The following SMIM10L2A variants were observed in gnomAD, a reference collection of about 807,000 sequenced individuals.
The protein encoded by SMIM10L2A is small integral membrane protein 10-like protein 2A.
In SMIM10L2A, 2 loss-of-function variants were observed where a neutral mutation model predicts 3.0. The observed-to-expected ratio is 0.66, with a 90% confidence interval of 0.27 to 2.08. The LOEUF (loss-of-function observed/expected upper bound fraction) is 2.08, where lower values mean the gene tolerates loss of function less well. Ranked by LOEUF, SMIM10L2A falls within the 30% of genes most tolerant of loss-of-function variation. The pLI, the probability that SMIM10L2A is intolerant of heterozygous loss-of-function variation, is 0.14. For missense variants in SMIM10L2A, 59 were observed against 66.5 expected, an observed-to-expected ratio of 0.89 and a Z score of 0.39; for synonymous variants, 29 against 34.8, an observed-to-expected ratio of 0.83 and a Z score of 0.58.
In SMIM10L2A at chrX:135,422,183, G is replaced by C; in HGVS notation, c.52G>C (p.Gly18Arg). 1.1e-6 allele frequency: 1 copy of C among 923,523 alleles called. No individual in the cohort carries two copies. Among genetic ancestry groups the C allele is most frequent in the Non-Finnish European group, 1.4e-6 (1 of 692,908 alleles). 76.1% of individuals were successfully genotyped at this position (923,523 alleles called of 1,213,427 possible). A position where few individuals can be genotyped will look rare whatever the true frequency, so the allele number is the denominator to read the frequency against. The change falls in exon 1 of 2, where the codon GGC becomes CGC. Residue 18 changes from glycine (G) to arginine (R), a missense_variant. Transcript: ENST00000417443. ...AGCGGCGGCTGCGGCGGCCCTGTCT[G>C]GCCTGGCGGTGCGGCTGTCGCGCTC... Reference protein sequence around the residue: ...SAAAAAAALSGLAVRLSRSAA... With the variant: ...SAAAAAAALSRLAVRLSRSAA...
rs1409788158 is a variant in SMIM10L2A, at chrX:135,426,259, T to G, written c.*2989T>G. ...GATAAAGGACCTGGCCCTGGAAGCC[T>G]GCTTCCCTTTCCCAACCTTGGAAGC... On this transcript the variant is annotated 3_prime_UTR_variant, in exon 2 of 2. Coordinates refer to ENST00000417443, the MANE Select transcript of SMIM10L2A (RefSeq NM_203306.3). 1 of 111,533 alleles carries G rather than the reference T, an allele frequency of 9.0e-6. No homozygotes were observed. The highest frequency in any genetic ancestry group is 1.9e-5 in the Non-Finnish European group (1 of 53,007). The allele number at this position is 111,533 out of a possible 1,213,427, so 9.2% of individuals were successfully genotyped here.
rs1556470834 is a variant in SMIM10L2A, at chrX:135,423,689, T to C, written c.*419T>C. On this transcript the variant is annotated 3_prime_UTR_variant, in exon 2 of 2. Coordinates refer to ENST00000417443, the MANE Select transcript of SMIM10L2A (RefSeq NM_203306.3). The stretch of plus-strand genomic sequence containing the variant: ...TTCTCTGGCCTTGCCAAGAGTCACA[T>C]CCCTGCCCAGGGGCACCTCTGGCCC... 1 of 113,605 alleles carries C rather than the reference T, an allele frequency of 8.8e-6. No individual in the cohort carries two copies. Among genetic ancestry groups the C allele is most frequent in the African/African-American group, 3.2e-5 (1 of 31,294 alleles). 9.4% of individuals were successfully genotyped at this position (113,605 alleles called of 1,213,427 possible). A position where few individuals can be genotyped will look rare whatever the true frequency, so the allele number is the denominator to read the frequency against.
rs187712717 is a variant in SMIM10L2A, at chrX:135,427,930, C to T, written c.*4660C>T. ...TTGATATATATTCCTAGAAAGTGCA[C>T]CAAAGGGTATGCATGGCTTAGGGCT... On this transcript the variant is annotated 3_prime_UTR_variant, in exon 2 of 2. Transcript: ENST00000417443. 6.3e-5 allele frequency: 7 copies of T among 111,658 alleles called. No individual in the cohort carries two copies. The highest frequency in any genetic ancestry group is 1.1e-4 in the Non-Finnish European group (6 of 53,141). 9.2% of individuals were successfully genotyped at this position (111,658 alleles called of 1,213,427 possible).
chrX:135,424,926 C>A lies in SMIM10L2A; in HGVS notation c.*1656C>A, dbSNP rs1212693196. The stretch of plus-strand genomic sequence containing the variant: ...TGCTGGCCCCTCTCATCCACCCCAA[C>A]CCTATCCACCCTGGACCACCTCTGG... On this transcript the variant is annotated 3_prime_UTR_variant, in exon 2 of 2. Coordinates refer to ENST00000417443, the MANE Select transcript of SMIM10L2A (RefSeq NM_203306.3). 1.8e-5 allele frequency: 2 copies of A among 111,984 alleles called. No homozygotes were observed. The highest frequency in any genetic ancestry group is 6.5e-5 in the African/African-American group (2 of 30,696). The allele number at this position is 111,984 out of a possible 1,213,427, so 9.2% of individuals were successfully genotyped here.
In SMIM10L2A at chrX:135,422,373, C is replaced by T. The variant is rs1234937564; in HGVS notation, c.*5C>T. 7.3e-5 allele frequency: 41 copies of T among 561,709 alleles called. No individual in the cohort carries two copies. The highest frequency in any genetic ancestry group is 4.4e-4 in the South Asian group (7 of 16,063). 46.3% of individuals were successfully genotyped at this position (561,709 alleles called of 1,213,427 possible). ...CTGCAGGTGCGGATCGAGTGAGCGC[C>T]GGCGGCGGCGGCGGCGAAGGCCCGG... On this transcript the variant is annotated 3_prime_UTR_variant, in exon 1 of 2. Transcript: ENST00000417443.
At position 135,424,959 on chromosome X, in the gene SMIM10L2A, T is replaced by C. The variant is rs1402508691; in HGVS notation, c.*1689T>C. 8.9e-6 allele frequency: 1 copy of C among 111,994 alleles called. No individual in the cohort carries two copies. Among genetic ancestry groups the C allele is most frequent in the Admixed American group, 9.3e-5 (1 of 10,707 alleles). The allele number at this position is 111,994 out of a possible 1,213,427, so 9.2% of individuals were successfully genotyped here. ...ACCCTGGACCACCTCTGGGGGTCTG[T>C]CAGCCTGCTGGTCCCCCCAACAGAT... On this transcript the variant is annotated 3_prime_UTR_variant, in exon 2 of 2. Coordinates refer to ENST00000417443, the MANE Select transcript of SMIM10L2A (RefSeq NM_203306.3).
Position 135,422,291 on chromosome X carries a change from C to T in SMIM10L2A, c.160C>T (p.Leu54=), listed in dbSNP as rs1417581330. 8 of 1,054,118 alleles carry T rather than the reference C, an allele frequency of 7.6e-6. No individual in the cohort carries two copies. In the African/African-American group the frequency reaches 1.2e-4, roughly 15 times the overall value. 86.9% of individuals were successfully genotyped at this position (1,054,118 alleles called of 1,213,427 possible). Residue 54 remains leucine, a synonymous_variant, in exon 1 of 2, where the codon CTG becomes TTG. Coordinates refer to ENST00000417443, the MANE Select transcript of SMIM10L2A (RefSeq NM_203306.3). ...CACCTTCTTCGACCTGGCCTGGCGG[C>T]TGCGCATGAACTTCCCCTACTTCTA... ...LLTFFDLAWR[L]RMNFPYFYIV...
intron 1 of SMIM10L2A, among the ~76,000 whole-genome samples, chrX:135,423,413 GC>G (rs2085139722): frequency 8.9e-6 from 1 of 112,924 alleles, no homozygotes; most frequent in South Asian, 3.6e-4. Context: ...CCCTCCCAGG[GC>G]CAGAGTCCCA....
Position 135,425,498 on chromosome X carries a change from C to G in SMIM10L2A, c.*2228C>G, listed in dbSNP as rs2085148971. ...GTAGCCCCGCCTGCTGCTTCTCCACCTCCCCTCCCCACCTCTTCTCTCCCA... is the reference window on the plus strand; with the variant it reads ...GTAGCCCCGCCTGCTGCTTCTCCACGTCCCCTCCCCACCTCTTCTCTCCCA... On this transcript the variant is annotated 3_prime_UTR_variant, in exon 2 of 2. Transcript: ENST00000417443. The G allele has an allele frequency of 8.9e-6, 1 of 112,140 alleles. No individual in the cohort carries two copies. The highest frequency in any genetic ancestry group is 1.9e-5 in the Non-Finnish European group (1 of 53,209). The allele number at this position is 112,140 out of a possible 1,213,427, so 9.2% of individuals were successfully genotyped here.
rs145724340 is a variant in SMIM10L2A, at chrX:135,427,908, A to T, written c.*4638A>T. 1.8e-5 allele frequency: 2 copies of T among 111,621 alleles called. No homozygotes were observed. Among genetic ancestry groups the T allele is most frequent in the Admixed American group, 9.5e-5 (1 of 10,545 alleles). 9.2% of individuals were successfully genotyped at this position (111,621 alleles called of 1,213,427 possible). ...CTGTGGCATAGTCATCAATTCCTTG[A>T]TATATATTCCTAGAAAGTGCACCAA... On this transcript the variant is annotated 3_prime_UTR_variant, in exon 2 of 2. Transcript: ENST00000417443.
At position 135,425,828 on chromosome X, in the gene SMIM10L2A, C is replaced by T. The variant is rs1434844796; in HGVS notation, c.*2558C>T. 1 of 111,717 alleles carries T rather than the reference C, an allele frequency of 9.0e-6. No individual in the cohort carries two copies. Among genetic ancestry groups the T allele is most frequent in the African/African-American group, 3.3e-5 (1 of 30,630 alleles). The allele number at this position is 111,717 out of a possible 1,213,427, so 9.2% of individuals were successfully genotyped here. On this transcript the variant is annotated 3_prime_UTR_variant, in exon 2 of 2. Transcript: ENST00000417443. ...TGGAGAGGCCCCATGGTGAGGTCACCAGCTCCCATGGCCAGGAGTTGGCAG... is the reference window on the plus strand; with the variant it reads ...TGGAGAGGCCCCATGGTGAGGTCACTAGCTCCCATGGCCAGGAGTTGGCAG...
rs2085144949 is a variant in SMIM10L2A, at chrX:135,424,613, A to G, written c.*1343A>G. 2 of 111,093 alleles carry G rather than the reference A, an allele frequency of 1.8e-5. No homozygotes were observed. Among genetic ancestry groups the G allele is most frequent in the Non-Finnish European group, 3.8e-5 (2 of 52,879 alleles). 9.2% of individuals were successfully genotyped at this position (111,093 alleles called of 1,213,427 possible). On this transcript the variant is annotated 3_prime_UTR_variant, in exon 2 of 2. Transcript: ENST00000417443. ...CCGGGAAGGGACCCTCGCCCTTACC[A>G]TCTATCCCCATTTCCGCATCTCTTG...
In SMIM10L2A at chrX:135,425,224, G is replaced by C. The variant is rs1449171434; in HGVS notation, c.*1954G>C. ...TGAGCCCTCCCCATGCAAGGGGCTTGGCCTGGGACCCTGGAAGCTGTTTCC... is the reference window on the plus strand; with the variant it reads ...TGAGCCCTCCCCATGCAAGGGGCTTCGCCTGGGACCCTGGAAGCTGTTTCC... On this transcript the variant is annotated 3_prime_UTR_variant, in exon 2 of 2. Coordinates refer to ENST00000417443, the MANE Select transcript of SMIM10L2A (RefSeq NM_203306.3). 8.9e-6 allele frequency: 1 copy of C among 111,892 alleles called. No individual in the cohort carries two copies. Among genetic ancestry groups the C allele is most frequent in the Non-Finnish European group, 1.9e-5 (1 of 53,048 alleles). The allele number at this position is 111,892 out of a possible 1,213,427, so 9.2% of individuals were successfully genotyped here. A position where few individuals can be genotyped will look rare whatever the true frequency, so the allele number is the denominator to read the frequency against.
rs1349913694 is a variant in SMIM10L2A at position 135,425,560 on chromosome X, CTTTA to C, written c.*2298_*2301del. On this transcript the variant is annotated 3_prime_UTR_variant, in exon 2 of 2. Transcript: ENST00000417443. ...TGCTGCGTGACGGGGTCTCCATGCG[CTTTA>C]TTTATTTGCAGTCTGTTTTCTAGGC... 8.9e-6 allele frequency: 1 copy of C among 112,258 alleles called. No individual in the cohort carries two copies. The highest frequency in any genetic ancestry group is 1.9e-5 in the Non-Finnish European group (1 of 53,241). 9.3% of individuals were successfully genotyped at this position (112,258 alleles called of 1,213,427 possible). A position where few individuals can be genotyped will look rare whatever the true frequency, so the allele number is the denominator to read the frequency against.
rs2085158155 is a variant in SMIM10L2A at position 135,427,762 on chromosome X, A to G, written c.*4492A>G. On this transcript the variant is annotated 3_prime_UTR_variant, in exon 2 of 2. Coordinates refer to ENST00000417443, the MANE Select transcript of SMIM10L2A (RefSeq NM_203306.3). ...ATGAAGGTTTCATCATGTATCCCCCAGTGCCCTTTGGTTGTTTTTCTTTGT... is the reference window on the plus strand; with the variant it reads ...ATGAAGGTTTCATCATGTATCCCCCGGTGCCCTTTGGTTGTTTTTCTTTGT... The G allele has an allele frequency of 1.8e-5, 2 of 112,142 alleles. No individual in the cohort carries two copies. Among genetic ancestry groups the G allele is most frequent in the African/African-American group, 3.2e-5 (1 of 30,787 alleles). The allele number at this position is 112,142 out of a possible 1,213,427, so 9.2% of individuals were successfully genotyped here.
At position 135,424,019 on chromosome X, in the gene SMIM10L2A, A is replaced by G. The variant is rs375009189; in HGVS notation, c.*749A>G. 1.8e-5 allele frequency: 2 copies of G among 111,868 alleles called. No individual in the cohort carries two copies. The highest frequency in any genetic ancestry group is 5.7e-4 in the East Asian group (2 of 3,491). The allele number at this position is 111,868 out of a possible 1,213,427, so 9.2% of individuals were successfully genotyped here. On this transcript the variant is annotated 3_prime_UTR_variant, in exon 2 of 2. Transcript: ENST00000417443. ...TGTGCCCCTGGGCCTGCAGGCCCCC[A>G]CACCCCTCCCCAGTCTTCTTCAAGA...
rs2085153473 is a variant in SMIM10L2A at position 135,426,519 on chromosome X, G to T, written c.*3249G>T. 1 of 112,785 alleles carries T rather than the reference G, an allele frequency of 8.9e-6. No homozygotes were observed. The highest frequency in any genetic ancestry group is 9.3e-5 in the Admixed American group (1 of 10,785). 9.3% of individuals were successfully genotyped at this position (112,785 alleles called of 1,213,427 possible). ...TAGGGGCCCTGGGGGCACTCCTGTTGCCAAGGGCTACCCAGGGGTCAGAGC... is the reference window on the plus strand; with the variant it reads ...TAGGGGCCCTGGGGGCACTCCTGTTTCCAAGGGCTACCCAGGGGTCAGAGC... On this transcript the variant is annotated 3_prime_UTR_variant, in exon 2 of 2. Transcript: ENST00000417443.
In SMIM10L2A at chrX:135,422,569, G is replaced by T. The variant is rs1769875633; in HGVS notation, c.*201G>T. On this transcript the variant is annotated 3_prime_UTR_variant, in exon 1 of 2. Transcript: ENST00000417443. ...CCCCGGCTGCGGTCTCAGCCCGGGG[G>T]CCCTGGATCGCGCAGAAACGCACTG... 1 of 229,462 alleles carries T rather than the reference G, an allele frequency of 4.4e-6. No homozygotes were observed. Among genetic ancestry groups the T allele is most frequent in the Non-Finnish European group, 7.8e-6 (1 of 127,420 alleles). 18.9% of individuals were successfully genotyped at this position (229,462 alleles called of 1,213,427 possible).
chrX:135,424,033 T>G lies in SMIM10L2A; in HGVS notation c.*763T>G, dbSNP rs782252309. The stretch of plus-strand genomic sequence containing the variant: ...TGCAGGCCCCCACACCCCTCCCCAG[T>G]CTTCTTCAAGACCTGGCATGGTGGG... On this transcript the variant is annotated 3_prime_UTR_variant, in exon 2 of 2. Transcript: ENST00000417443. 2 of 111,733 alleles carry G rather than the reference T, an allele frequency of 1.8e-5. No individual in the cohort carries two copies. Among genetic ancestry groups the G allele is most frequent in the East Asian group, 2.9e-4 (1 of 3,491 alleles). The allele number at this position is 111,733 out of a possible 1,213,427, so 9.2% of individuals were successfully genotyped here. A position where few individuals can be genotyped will look rare whatever the true frequency, so the allele number is the denominator to read the frequency against.
Sources: allele counts gnomAD v4.1 joint callset (sites outside exome capture counted in the v4.1 genomes callset), GRCh38; gene constraint gnomAD v4.1.1; transcripts MANE v1.5; gene names NCBI Gene and HGNC (gene_info 2026-07-23, HGNC 2026-07-21).